Variants in ARHGAP21 observed in about 807,000 individuals in gnomAD.
ARHGAP21 encodes the protein rho GTPase-activating protein 21.
In ARHGAP21, 38 loss-of-function variants were observed where a neutral mutation model predicts 164.6. That is an observed-to-expected ratio of 0.23 (90% confidence interval 0.18 to 0.30). The LOEUF (loss-of-function observed/expected upper bound fraction) is 0.30. ARHGAP21 is among the 10% of genes least tolerant of loss of function. ARHGAP21 has a pLI of 1.00. For missense variants in ARHGAP21, 1,822 were observed against 2,370.7 expected (o/e 0.77, Z 4.81); for synonymous variants, 766 against 857.9 (o/e 0.89, Z 1.87).
At chr10:24,682,956 C>T (rs1302881343) in intron 2 of ARHGAP21, among the ~76,000 whole-genome samples, 2 of 151,856 alleles carry the variant, frequency 1.3e-5, no homozygotes, top group East Asian at 1.9e-4. Context: ...ATTAGCCAGG[C>T]GTGGTGGCGG....
chr10:24,595,769 G>C lies in ARHGAP21; in HGVS notation c.3660C>G (p.Ser1220Arg). The C allele has an allele frequency of 6.2e-7, 1 of 1,613,590 alleles. No individual in the cohort carries two copies. The highest frequency in any genetic ancestry group is 8.5e-7 in the Non-Finnish European group (1 of 1,179,766). ...TTCTGAAGAAGGATTTTAGTAAACT[G>C]CTTATCACATTCAAATCTCGCCATT... ...DDKWRDLNVISSLLKSFFRKL... is the reference protein window; with the variant it reads ...DDKWRDLNVIRSLLKSFFRKL... Residue 1220 changes from serine (S) to arginine (R), a missense_variant, in exon 19 of 26, where the codon AGC becomes AGG. Physicochemically the swap from Ser to Arg is moderately radical, Grantham distance 110. This residue lies in a region of ARHGAP21 where 117 missense variants were observed against 238.1 expected (regional missense o/e 0.49). Transcript: ENST00000396432.
chr10:24,670,962 C>G (rs2131784167), intron 2 of ARHGAP21, among the ~76,000 whole-genome samples: 1 of 152,246 alleles, frequency 6.6e-6, no homozygotes, highest in East Asian at 1.9e-4. Flanking sequence ...TTGGTCATGA[C>G]TGAAACCCCC....
intron 2 of ARHGAP21, among the ~76,000 whole-genome samples, chr10:24,675,430 AG>A (rs1193711812): frequency 6.6e-6 from 1 of 152,148 alleles, no homozygotes; most frequent in Non-Finnish European, 1.5e-5. Context: ...GGTGGGTGTA[AG>A]GGTGGAGATT....
At position 24,584,819 on chromosome 10, in the gene ARHGAP21, G is replaced by C. The variant is rs139356478; in HGVS notation, c.5470C>G (p.Gln1824Glu). 90 of 1,613,846 alleles carry C rather than the reference G, an allele frequency of 5.6e-5. No homozygotes were observed. The highest frequency in any genetic ancestry group is 7.3e-5 in the Non-Finnish European group (86 of 1,179,874). The change falls in exon 26 of 26, where the codon CAG (glutamine) becomes GAG (glutamate). Residue 1824 changes from glutamine (Q) to glutamate (E), a missense_variant. Gln to Glu is a conservative substitution (Grantham distance 29). Transcript: ENST00000396432. ...SVLNFWKVHE[Q>E]SGERESELSA... is the part of the protein sequence containing the mutation. ...AGTTCAGATTCTCTCTCCCCGCTCT[G>C]CTCATGCACTTTCCAAAAATTCAAA...
chr10:24,630,748 C>T (rs1835775031), intron 6 of ARHGAP21, among the ~76,000 whole-genome samples: 2 of 152,156 alleles, frequency 1.3e-5, no homozygotes, highest in Non-Finnish European at 2.9e-5. Flanking sequence ...CCACTTCAGC[C>T]TCCCAAAGTG....
chr10:24,639,628 C>A (rs1269636142), intron 4 of ARHGAP21, among the ~76,000 whole-genome samples: 1 of 152,016 alleles, frequency 6.6e-6, no homozygotes, highest in Non-Finnish European at 1.5e-5. Context: ...TCAAGGAATA[C>A]TGCCGGGGGA....
intron 4 of ARHGAP21, among the ~76,000 whole-genome samples, chr10:24,655,517 A>G (rs1480213121): frequency 6.6e-6 from 1 of 152,256 alleles, no homozygotes; most frequent in Non-Finnish European, 1.5e-5. Flanking sequence ...GACACATGAA[A>G]AAATGCTCAT....
At chr10:24,702,583 GT>G (rs915304895) in intron 2 of ARHGAP21, among the ~76,000 whole-genome samples, 3 of 150,416 alleles carry the variant, frequency 2.0e-5, no homozygotes, top group Non-Finnish European at 4.4e-5. Context: ...TTTTTTTTTG[GT>G]TTTTTGTTTT....
Position 24,595,698 on chromosome 10 carries a change from T to C in ARHGAP21, c.3712+19A>G. ...ACTTGAACCATTTCATCTGGTATCTTTCACGGGAGTTAACTCACCATTTGT... is the reference window on the plus strand; with the variant it reads ...ACTTGAACCATTTCATCTGGTATCTCTCACGGGAGTTAACTCACCATTTGT... On this transcript the variant is annotated intron_variant, in intron 19 of 25. Transcript: ENST00000396432. 6.3e-7 allele frequency: 1 copy of C among 1,599,638 alleles called. No homozygotes were observed. The highest frequency in any genetic ancestry group is 8.5e-7 in the Non-Finnish European group (1 of 1,169,658).
At chr10:24,704,120 T>C (rs1212205026) in intron 2 of ARHGAP21, among the ~76,000 whole-genome samples, 1 of 152,118 alleles carries the variant, frequency 6.6e-6, no homozygotes, top group Non-Finnish European at 1.5e-5. Flanking sequence ...CCAGCCTCTA[T>C]TGTCTAACCC....
At chr10:24,628,816 C>CATATATATACAT (rs369980606) in intron 7 of ARHGAP21, among the ~76,000 whole-genome samples, 9 of 110,356 alleles carry the variant, frequency 8.2e-5, no homozygotes, top group African/African-American at 1.6e-4. Flanking sequence ...CATATATATA[C>CATATATATACAT]ATATACACAC....
chr10:24,605,095 C>CAA (rs2076968097), intron 11 of ARHGAP21, among the ~76,000 whole-genome samples: 1 of 152,076 alleles, frequency 6.6e-6, no homozygotes, highest in Non-Finnish European at 1.5e-5. Context: ...GAAAGATATG[C>CAA]AAACTCAATC....
At position 24,649,751 on chromosome 10, in the gene ARHGAP21, TAGAAAACAAACCAG is replaced by T. The variant is rs564402675; in HGVS notation, c.269-14662_269-14649del. Among the ~76,000 whole-genome samples the T allele has an allele frequency of 4.5e-3, 675 of 149,078 alleles. 3 individuals are homozygous for T. The highest frequency in any genetic ancestry group is 0.011 in the Middle Eastern group (3 of 280). ...AACAACAATATTCTAAGCTAAAGCT[TAGAAAACAAACCAG>T]AGAAAACAAACAAGAGAAACAGATT... On this transcript the variant is annotated intron_variant, in intron 4 of 25. Coordinates refer to ENST00000396432, the MANE Select transcript of ARHGAP21 (RefSeq NM_020824.4).
At chr10:24,672,096 G>A (rs536453491) in intron 2 of ARHGAP21, among the ~76,000 whole-genome samples, 154 of 151,722 alleles carry the variant, frequency 1.0e-3, no homozygotes, top group African/African-American at 3.6e-3. Context: ...TCTCTTTGGC[G>A]CAAAACTCCT....
At chr10:24,599,158 T>C (rs2076706495) in intron 14 of ARHGAP21, among the ~76,000 whole-genome samples, 1 of 152,230 alleles carries the variant, frequency 6.6e-6, no homozygotes, top group Non-Finnish European at 1.5e-5. Context: ...ACATGCATTA[T>C]CTCATTCAAT....
intron 7 of ARHGAP21, among the ~76,000 whole-genome samples, chr10:24,623,957 T>C (rs1834828827): frequency 6.6e-6 from 1 of 152,208 alleles, no homozygotes; most frequent in Non-Finnish European, 1.5e-5. Flanking sequence ...TGTTTAGTAA[T>C]AGAAGTATAC....
At chr10:24,602,230 A>G in intron 12 of ARHGAP21, 127 bp from the exon 13 acceptor site, 1 of 1,073,950 alleles carries the variant, frequency 9.3e-7, no homozygotes, top group Non-Finnish European at 1.3e-6. Context: ...GAAAAATCCT[A>G]ACTTTATCTT....
rs1834453809 is a variant in ARHGAP21 at position 24,620,695 on chromosome 10, T to C, written c.1200A>G (p.Arg400=). 6.2e-7 allele frequency: 1 copy of C among 1,614,058 alleles called. No individual in the cohort carries two copies. Among genetic ancestry groups the C allele is most frequent in the East Asian group, 2.2e-5 (1 of 44,892 alleles). Residue 400 remains arginine, a synonymous_variant, in exon 9 of 26, where the codon CGA becomes CGG. Transcript: ENST00000396432. ...KTYKEYIDNR[R]LHIGCRTIQE... is the part of the protein sequence containing the mutation. ...GTATTGTCCGACAACCTATGTGCAATCGTCTGTTATCAATATACTCTTTGT... is the reference window on the plus strand; with the variant it reads ...GTATTGTCCGACAACCTATGTGCAACCGTCTGTTATCAATATACTCTTTGT...
At chr10:24,591,402 A>T in intron 23 of ARHGAP21, 72 bp from the exon 24 acceptor site, 1 of 1,359,508 alleles carries the variant, frequency 7.4e-7, no homozygotes, top group Non-Finnish European at 1.0e-6. Context: ...AACAACATTT[A>T]GTAAAAGACA....
Sources: allele counts gnomAD v4.1 joint callset (sites outside exome capture counted in the v4.1 genomes callset), GRCh38; gene constraint gnomAD v4.1.1; regional missense constraint gnomAD v4.1.1; transcripts MANE v1.5; gene names NCBI Gene and HGNC (gene_info 2026-07-23, HGNC 2026-07-21).